The following FAS variants were observed in gnomAD, a reference collection of about 807,000 sequenced individuals.
FAS encodes the protein Fas cell surface death receptor, also known as tumor necrosis factor receptor superfamily member 6.
In FAS, 5 loss-of-function variants were observed where a neutral mutation model predicts 33.2. The ratio of observed to expected loss-of-function variants is 0.15; its 90% confidence interval spans 0.08 to 0.32. The LOEUF (loss-of-function observed/expected upper bound fraction) is 0.32. Among genes scored for constraint, FAS ranks in the 10% least tolerant of loss-of-function variants. The probability of loss-of-function intolerance (pLI) is 1.00; values close to 1 mark genes in which losing one functional copy is unlikely to be tolerated. For missense variants in FAS, 339 were observed against 386.0 expected (o/e 0.88, Z 1.02); for synonymous variants, 131 against 130.7 (o/e 1.00, Z -0.01).
At chr10:88,981,234 T>C (rs763720379) in intron 2 of FAS, among the ~76,000 whole-genome samples, 23 of 152,244 alleles carry the variant, frequency 1.5e-4, no homozygotes, top group Non-Finnish European at 3.1e-4. Flanking sequence ...TAACCTATGT[T>C]TCTTAATCTG....
At chr10:88,969,343 G>A (rs1323718116) in intron 1 of FAS, among the ~76,000 whole-genome samples, 1 of 152,148 alleles carries the variant, frequency 6.6e-6, no homozygotes, top group Non-Finnish European at 1.5e-5. Context: ...TCCACATTCT[G>A]CTATGCCTTA....
rs1408204883 is a variant in FAS, at chr10:89,016,234, C to T, written c.*1784C>T. On this transcript the variant is annotated 3_prime_UTR_variant, in exon 9 of 9. Coordinates refer to ENST00000652046, the MANE Select transcript of FAS (RefSeq NM_000043.6). ...TTAGCATTTCAACATGTAAGCATGT[C>T]GGTAAGATAGTTGTGCTTTGCTTAG... The T allele has an allele frequency of 1.4e-5, 3 of 216,570 alleles. No individual in the cohort carries two copies. Among genetic ancestry groups the T allele is most frequent in the Non-Finnish European group, 2.8e-5 (3 of 107,608 alleles). The allele number at this position is 216,570 out of a possible 1,614,324, so 13.4% of individuals were successfully genotyped here.
chr10:88,994,605 G>T (rs1847470601), intron 1 of FAS, among the ~76,000 whole-genome samples: 1 of 151,860 alleles, frequency 6.6e-6, no homozygotes, highest in Admixed American at 6.6e-5. Context: ...CTAATGTAAA[G>T]AATTTTGATT....
At chr10:88,993,452 G>A (rs1032542624) in intron 1 of FAS, among the ~76,000 whole-genome samples, 1 of 152,102 alleles carries the variant, frequency 6.6e-6, no homozygotes, top group African/African-American at 2.4e-5. Context: ...GCCTCTAAGA[G>A]TCCATGGATT....
intron 1 of FAS, among the ~76,000 whole-genome samples, chr10:88,995,553 G>A (rs1377425275): frequency 6.6e-6 from 1 of 152,196 alleles, no homozygotes; most frequent in South Asian, 2.1e-4. Flanking sequence ...CTGGGCAGGT[G>A]ACTCACACCT....
chr10:89,004,156 T>C (rs2133478066), intron 2 of FAS, among the ~76,000 whole-genome samples: 1 of 152,350 alleles, frequency 6.6e-6, no homozygotes, highest in Admixed American at 6.5e-5. Flanking sequence ...TGAATTGAAA[T>C]CTTTGTTCAT....
chr10:88,996,108 A>C (rs1213072994), intron 1 of FAS, among the ~76,000 whole-genome samples: 1 of 152,194 alleles, frequency 6.6e-6, no homozygotes, highest in Non-Finnish European at 1.5e-5. Flanking sequence ...AAAATATAAG[A>C]TATGAGAAAT....
At chr10:88,988,647 G>A (rs1359985134), upstream of FAS, among the ~76,000 whole-genome samples, 1 of 152,044 alleles carries the variant, frequency 6.6e-6, no homozygotes, top group African/African-American at 2.4e-5. Context: ...GCCCTTGAAG[G>A]CCTGAGGACT....
chr10:88,991,280 C>A (rs1264704869), intron 1 of FAS: 4 of 425,164 alleles, frequency 9.4e-6, no homozygotes, highest in African/African-American at 6.1e-5. Flanking sequence ...TGGAGGGGGA[C>A]CCCGGTTGGA....
At chr10:88,983,566 C>A (rs80178021), upstream of FAS, among the ~76,000 whole-genome samples, 3,280 of 120,994 alleles carry the variant, frequency 0.027, 53 homozygotes, top group Non-Finnish European at 0.039. Context: ...ACAGGACCTA[C>A]TTTACAGGGA....
At chr10:89,001,238 G>A (rs1026820886) in intron 1 of FAS, among the ~76,000 whole-genome samples, 8 of 150,452 alleles carry the variant, frequency 5.3e-5, no homozygotes, top group Non-Finnish European at 1.0e-4. Flanking sequence ...CATGCTGAGG[G>A]CTGTCATTTC....
chr10:88,990,780 C>T (rs1158453278), upstream of FAS: 3 of 1,531,684 alleles, frequency 2.0e-6, no homozygotes, highest in African/African-American at 1.4e-5. This position sits in a 1 kb window ranked among gnomAD's most constrained non-coding sequence, Gnocchi z 4.9. Flanking sequence ...CCAGCCCTGG[C>T]TGCCCAGGCG....
At chr10:88,991,169 G>A in intron 1 of FAS, 1 of 586,134 alleles carries the variant, frequency 1.7e-6, no homozygotes, top group Non-Finnish European at 3.0e-6. Flanking sequence ...GGGCAGGCGG[G>A]GCAGCTCCGG....
chr10:89,010,840 G>T (rs1160080777), intron 6 of FAS, 25 bp downstream of exon 6: 1 of 1,613,192 alleles, frequency 6.2e-7, no homozygotes, highest in Admixed American at 1.7e-5. Flanking sequence ...TGTTCAAACT[G>T]CAGATTGAAA....
At chr10:88,984,300 G>A (rs1162474772), upstream of FAS, among the ~76,000 whole-genome samples, 1 of 152,090 alleles carries the variant, frequency 6.6e-6, no homozygotes, top group Non-Finnish European at 1.5e-5. Context: ...GGCTGTTGTA[G>A]AGAAGAGTCT....
At chr10:89,007,631 C>G (rs1188410288) in intron 2 of FAS, 69 bp from the exon 3 acceptor site, 115 of 1,589,742 alleles carry the variant, frequency 7.2e-5, no homozygotes, top group Non-Finnish European at 9.6e-5. Flanking sequence ...TCTGTCATCC[C>G]TCTATAGTTC....
chr10:89,008,758 T>G, intron 3 of FAS, 131 bp from the exon 4 acceptor site: 1 of 850,826 alleles, frequency 1.2e-6, no homozygotes, highest in East Asian at 2.4e-5. Context: ...ACTGACTGTA[T>G]TACTGGTGTC....
chr10:88,986,661 A>G (rs535323064), upstream of FAS, among the ~76,000 whole-genome samples: 1 of 102,566 alleles, frequency 9.7e-6, no homozygotes, highest in African/African-American at 4.4e-5. Context: ...AAAGGAAGTA[A>G]TACAGGAAGG....
At position 89,012,091 on chromosome 10, in the gene FAS, GA is replaced by G; in HGVS notation, c.651+13del. On this transcript the variant is annotated intron_variant, in intron 7 of 8. Transcript: ENST00000652046. ...TCCAACTTTAAATCCTGTAGGTATT[GA>G]AATAGGTATCAGCTTTCCTTGAAAA... 1 of 1,601,626 alleles carries G rather than the reference GA, an allele frequency of 6.2e-7. No homozygotes were observed. Among genetic ancestry groups the G allele is most frequent in the Admixed American group, 1.7e-5 (1 of 59,972 alleles).
Sources: gnomAD v4.1 joint callset for allele counts (sites outside exome capture counted in the v4.1 genomes callset) on GRCh38, gnomAD v4.1.1 for gene constraint, Gnocchi (gnomAD v3.1) non-coding constraint, MANE v1.5 for transcripts, NCBI Gene and HGNC (gene_info 2026-07-23, HGNC 2026-07-21) for gene names.